FANCM: variants seen among roughly 807,000 people sequenced by gnomAD.
The protein encoded by FANCM is FA complementation group M.
Under a neutral mutation model 199.5 loss-of-function variants are expected in FANCM, and 140 were observed. The observed-to-expected ratio is 0.70, with a 90% CI of 0.61 to 0.81. FANCM has a LOEUF of 0.81. Among genes scored for constraint, FANCM ranks in the 30% least tolerant of loss-of-function variants. The pLI is 0.00. For missense variants in FANCM, 2,410 were observed against 2,421.4 expected (o/e 1.00, Z 0.10); for synonymous variants, 840 against 836.8 (o/e 1.00, Z -0.07).
Position 45,189,140 on chromosome 14 carries a change from T to C in FANCM, c.5118T>C (p.Asn1706=). The C allele has an allele frequency of 6.2e-7, 1 of 1,614,188 alleles. No homozygotes were observed. Among genetic ancestry groups the C allele is most frequent in the Non-Finnish European group, 8.5e-7 (1 of 1,180,002 alleles). The change falls in exon 20 of 23, where the codon AAT becomes AAC. Residue 1706 remains asparagine (N), a synonymous_variant. Coordinates refer to ENST00000267430, the MANE Select transcript of FANCM (RefSeq NM_020937.4). ...KKNKQQDHCL[N]SVPSGSSAQS... ...ACAAACAACAGGACCATTGTTTAAA[T>C]TCAGTGCCTTCTGGATCTTCTGCGC...
intron 18 of FANCM, among the ~76,000 whole-genome samples, chr14:45,186,639 A>G (rs1594812146): frequency 6.6e-6 from 1 of 152,224 alleles, no homozygotes; most frequent in African/African-American, 2.4e-5. Flanking sequence ...TTGCAGGATA[A>G]GGTTTTATGT....
chr14:45,183,733 A>G (rs199928561), intron 16 of FANCM, 41 bp from the exon 17 acceptor site: 21 of 1,489,972 alleles, frequency 1.4e-5, no homozygotes, highest in Non-Finnish European at 4.7e-6. Context: ...TAGGAAGAAA[A>G]TATTTTTTTC....
At chr14:45,198,956 T>C in intron 22 of FANCM, 21 bp downstream of exon 22, 1 of 1,568,586 alleles carries the variant, frequency 6.4e-7, no homozygotes, top group Non-Finnish European at 8.7e-7. Flanking sequence ...TGTAATATTT[T>C]TAAATGATTA....
In FANCM at chr14:45,189,136, T is replaced by A. The variant is rs1440808202; in HGVS notation, c.5114T>A (p.Leu1705Ter). 1 of 1,614,210 alleles carries A rather than the reference T, an allele frequency of 6.2e-7. No individual in the cohort carries two copies. The highest frequency in any genetic ancestry group is 1.1e-5 in the South Asian group (1 of 91,092). The change falls in exon 20 of 23, where the codon TTA becomes TAA. Residue 1705 changes from leucine (L) to a stop codon, truncating the protein, a stop_gained. Coordinates refer to ENST00000267430, the MANE Select transcript of FANCM (RefSeq NM_020937.4). LOFTEE classifies it high-confidence loss of function. ...VKKNKQQDHC[L>*]NSVPSGSSAQ... ...AAGAACAAACAACAGGACCATTGTT[T>A]AAATTCAGTGCCTTCTGGATCTTCT...
chr14:45,153,898 T>A, intron 5 of FANCM, 22 bp from the exon 6 acceptor site: 2 of 1,604,156 alleles, frequency 1.2e-6, no homozygotes, highest in South Asian at 2.2e-5. Flanking sequence ...CTGGTTAAAT[T>A]TGACATATGC....
rs77374493 is a variant in FANCM at position 45,137,087 on chromosome 14, C to T, written c.527C>T (p.Thr176Ile). The T allele has an allele frequency of 4.4e-3, 7,062 of 1,612,766 alleles. 31 individuals carry two copies. The highest frequency in any genetic ancestry group is 5.5e-3 in the Middle Eastern group (33 of 6,034). Reference protein sequence around the residue: ...AEMTGSTQASTRKEIWCSKRV... With the variant: ...AEMTGSTQASIRKEIWCSKRV... ...TTTTCAGGGTCTACACAAGCTTCCA[C>T]CAGGAAGGAAATATGGTGCAGTAAG... is the stretch of plus-strand genomic sequence containing the variant. Residue 176 changes from threonine to isoleucine, a missense_variant, in exon 2 of 23, where the codon ACC becomes ATC. Transcript: ENST00000267430.
intron 11 of FANCM, among the ~76,000 whole-genome samples, chr14:45,169,357 C>G (rs943708711): frequency 6.6e-6 from 1 of 151,404 alleles, no homozygotes; most frequent in Non-Finnish European, 1.5e-5. Context: ...GAAACAGATG[C>G]AGAGAAGCCT....
intron 19 of FANCM, 97 bp from the exon 20 acceptor site, chr14:45,188,705 C>G (rs1889563523): frequency 2.2e-6 from 2 of 898,332 alleles, no homozygotes; most frequent in Admixed American, 4.7e-5. Flanking sequence ...GTAAATTAAA[C>G]AAATATTAAT....
chr14:45,156,707 C>T (rs1887213936), intron 8 of FANCM, among the ~76,000 whole-genome samples: 1 of 151,852 alleles, frequency 6.6e-6, no homozygotes, highest in Non-Finnish European at 1.5e-5. Flanking sequence ...ATCACGAGGT[C>T]AAGAAATCAA....
intron 9 of FANCM, 140 bp from the exon 10 acceptor site, chr14:45,164,219 A>G (rs550669741): frequency 1.4e-6 from 1 of 720,028 alleles, no homozygotes; most frequent in Non-Finnish European, 2.4e-6. Context: ...TGTTGACATT[A>G]CAGGCATGAG....
chr14:45,147,246 A>G (rs968848747), intron 3 of FANCM, among the ~76,000 whole-genome samples: 2 of 151,916 alleles, frequency 1.3e-5, no homozygotes, highest in African/African-American at 4.8e-5. Context: ...TTCTTGCCCC[A>G]GGCTGTTCCC....
intron 20 of FANCM, 81 bp from the exon 21 acceptor site, chr14:45,196,091 A>G (rs1046323560): frequency 4.2e-6 from 6 of 1,421,496 alleles, no homozygotes; most frequent in African/African-American, 1.4e-5. Flanking sequence ...CTCATTAAGG[A>G]TAATCAACTT....
chr14:45,183,657 T>C (rs1889200423), intron 16 of FANCM, 117 bp from the exon 17 acceptor site: 1 of 662,968 alleles, frequency 1.5e-6, no homozygotes, highest in Non-Finnish European at 2.6e-6. Flanking sequence ...CATTCTTAAG[T>C]ATTTATAACA....
chr14:45,149,164 T>C (rs777909451), intron 4 of FANCM, among the ~76,000 whole-genome samples, 169 bp downstream of exon 4: 2 of 152,228 alleles, frequency 1.3e-5, no homozygotes, highest in South Asian at 2.1e-4. Flanking sequence ...GTGTTTTGTA[T>C]GTACTAGCAA....
intron 3 of FANCM, among the ~76,000 whole-genome samples, chr14:45,145,261 T>C (rs2139136408): frequency 6.6e-6 from 1 of 151,728 alleles, no homozygotes; most frequent in Admixed American, 6.6e-5. Context: ...AAGGAGTCAC[T>C]TTCGTTTATG....
chr14:45,173,480 AT>A lies in FANCM; in HGVS notation c.2316+272del, dbSNP rs1308378310. ...AAACTGTTTGTAAACCTTATTTAGG[AT>A]TCTTTTGGATTCGGATTTATTGAAA... On this transcript the variant is annotated intron_variant, in intron 13 of 22. Coordinates refer to ENST00000267430, the MANE Select transcript of FANCM (RefSeq NM_020937.4). 2.0e-5 allele frequency among the ~76,000 whole-genome samples: 3 copies of A among 152,248 alleles called. No homozygotes were observed. The East Asian group carries it at 5.8e-4, about 29-fold the overall frequency.
chr14:45,196,614 C>T, intron 21 of FANCM, 67 bp downstream of exon 21: 2 of 1,476,722 alleles, frequency 1.4e-6, no homozygotes, highest in Non-Finnish European at 1.9e-6. Context: ...TTAGTTTATT[C>T]TTCTATTATT....
chr14:45,144,339 CCT>C (rs1886209023), intron 3 of FANCM, among the ~76,000 whole-genome samples: 1 of 143,850 alleles, frequency 7.0e-6, no homozygotes, highest in African/African-American at 2.9e-5. Context: ...CCCTTCCCAG[CCT>C]CTGTAATCAT....
rs777057535 is a variant in FANCM, at chr14:45,176,294, T to C, written c.3540T>C (p.Asp1180=). The C allele has an allele frequency of 1.2e-6, 2 of 1,614,096 alleles. No individual in the cohort carries two copies. The highest frequency in any genetic ancestry group is 1.1e-5 in the South Asian group (1 of 91,082). ...TGGTCTCTCAGTTCTTAATTTCTGA[T>C]GAACTTTTGTTGGACAATAATTCTG... ...TPLVSQFLIS[D]ELLLDNNSEL... is the part of the protein sequence containing the mutation. The change falls in exon 14 of 23, where the codon GAT becomes GAC. Residue 1180 remains aspartate, a synonymous_variant. Coordinates refer to ENST00000267430, the MANE Select transcript of FANCM (RefSeq NM_020937.4).
Sources: allele counts gnomAD v4.1 joint callset (sites outside exome capture counted in the v4.1 genomes callset), GRCh38; gene constraint gnomAD v4.1.1; transcripts MANE v1.5; gene names NCBI Gene and HGNC (gene_info 2026-07-23, HGNC 2026-07-21).